The following ZNF280D variants were observed in gnomAD, a reference collection of about 807,000 sequenced individuals.
ZNF280D encodes the protein suppressor of hairy wing homolog 4.
A neutral mutation model predicts 94.7 loss-of-function variants in ZNF280D; 39 were observed. The ratio of observed to expected loss-of-function variants is 0.41; its 90% CI spans 0.32 to 0.54. The LOEUF is 0.54. ZNF280D is among the 20% of genes least tolerant of loss of function. ZNF280D has a pLI of 0.22. For missense variants in ZNF280D, 1,090 were observed against 1,149.3 expected (o/e 0.95, Z 0.75); for synonymous variants, 398 against 377.6 (o/e 1.05, Z -0.63).
chr15:56,703,407 T>C (rs1341466027), intron 4 of ZNF280D, among the ~76,000 whole-genome samples: 3 of 152,196 alleles, frequency 2.0e-5, no homozygotes, highest in East Asian at 1.9e-4. Context: ...TAGCCACGTA[T>C]AGATGACATT....
At chr15:56,719,291 G>C (rs1425828215) in intron 1 of ZNF280D, among the ~76,000 whole-genome samples, 1 of 151,592 alleles carries the variant, frequency 6.6e-6, no homozygotes, top group Non-Finnish European at 1.5e-5. Flanking sequence ...GGTAATGAGT[G>C]AGTTTTCAGT....
chr15:56,643,563 A>T (rs190870061), intron 19 of ZNF280D, among the ~76,000 whole-genome samples: 1 of 151,720 alleles, frequency 6.6e-6, no homozygotes, highest in African/African-American at 2.4e-5. Flanking sequence ...AAATATTAAA[A>T]CTTCTTGATT....
chr15:56,689,496 A>G (rs748681879), intron 7 of ZNF280D, 26 bp from the exon 8 acceptor site: 26 of 1,330,636 alleles, frequency 2.0e-5, no homozygotes, highest in Non-Finnish European at 2.4e-5. Context: ...TAGTGAGAAA[A>G]ATATTTTTTA....
Position 56,653,675 on chromosome 15 carries a change from C to T in ZNF280D, c.2213+523G>A, listed in dbSNP as rs760539372. 6 of 1,334,806 alleles carry T rather than the reference C, an allele frequency of 4.5e-6. No individual in the cohort carries two copies. The Admixed American group carries it at 1.1e-4, about 24-fold the overall frequency. The allele number at this position is 1,334,806 out of a possible 1,614,324, so 82.7% of individuals were successfully genotyped here. A position where few individuals can be genotyped will look rare whatever the true frequency, so the allele number is the denominator to read the frequency against. ...CAATTATCTGGCCTAAAACTTAAGA[C>T]GTATAAGAAATTAAGAAAGCAGACA... On this transcript the variant is annotated intron_variant, in intron 19 of 21. Coordinates refer to ENST00000267807, the MANE Select transcript of ZNF280D (RefSeq NM_017661.4).
Position 56,666,717 on chromosome 15 carries a change from A to C in ZNF280D, c.1815T>G (p.Asn605Lys). 6.2e-7 allele frequency: 1 copy of C among 1,609,174 alleles called. No homozygotes were observed. Among genetic ancestry groups the C allele is most frequent in the Non-Finnish European group, 8.5e-7 (1 of 1,178,846 alleles). The part of the protein sequence containing the change: ...QKKQSTLASS[N>K]KKSKVNTALR... ...ATGCTGTATTGACTTTACTTTTTTT[A>C]TTGCTACTAGCCAATGTGCTTTGTT... The change falls in exon 15 of 22, where the codon AAT becomes AAG. Residue 605 changes from asparagine to lysine, a missense_variant. Around this residue, in one of 3 missense-constraint regions of ZNF280D, gnomAD observed 577 missense variants for 568.8 expected, o/e 1.01. Coordinates refer to ENST00000267807, the MANE Select transcript of ZNF280D (RefSeq NM_017661.4).
rs1188313548 is a variant in ZNF280D, at chr15:56,653,542, G to C, written c.2213+656C>G. ...AGGCATCAGTTGTGTCCATCGAAGGGGGACACTGTCCAGGTATACCCTGGA... is the reference window on the plus strand; with the variant it reads ...AGGCATCAGTTGTGTCCATCGAAGGCGGACACTGTCCAGGTATACCCTGGA... On this transcript the variant is annotated intron_variant, in intron 19 of 21. Coordinates refer to ENST00000267807, the MANE Select transcript of ZNF280D (RefSeq NM_017661.4). The C allele has an allele frequency of 2.0e-6, 3 of 1,519,938 alleles. No individual in the cohort carries two copies. The African/African-American group carries it at 4.2e-5, about 21-fold the overall frequency. The allele number at this position is 1,519,938 out of a possible 1,614,324, so 94.2% of individuals were successfully genotyped here. A position where few individuals can be genotyped will look rare whatever the true frequency, so the allele number is the denominator to read the frequency against.
chr15:56,694,409 T>C (rs929896013), intron 6 of ZNF280D, among the ~76,000 whole-genome samples: 9 of 151,832 alleles, frequency 5.9e-5, no homozygotes, highest in African/African-American at 1.9e-4. Context: ...AGAGTGACTT[T>C]TGGACCATTC....
chr15:56,684,968 C>T, intron 9 of ZNF280D, among the ~76,000 whole-genome samples: 1 of 152,038 alleles, frequency 6.6e-6, no homozygotes. Context: ...ATGTAGACAA[C>T]CAAAAAGCTA....
At chr15:56,643,767 C>A (rs185703207) in intron 19 of ZNF280D, among the ~76,000 whole-genome samples, 1 of 151,862 alleles carries the variant, frequency 6.6e-6, no homozygotes, top group African/African-American at 2.4e-5. Flanking sequence ...AAGTAGGGTA[C>A]CTACCTGATC....
chr15:56,714,939 T>C (rs2057958253), intron 1 of ZNF280D, among the ~76,000 whole-genome samples: 1 of 152,120 alleles, frequency 6.6e-6, no homozygotes, highest in Non-Finnish European at 1.5e-5. Flanking sequence ...TCTCAAAAAG[T>C]TACCTATTAG....
At chr15:56,701,899 G>A (rs1023403886) in intron 4 of ZNF280D, among the ~76,000 whole-genome samples, 1 of 151,688 alleles carries the variant, frequency 6.6e-6, no homozygotes, top group Non-Finnish European at 1.5e-5. Context: ...TGACTTTGAG[G>A]ATCAATTTAA....
In ZNF280D at chr15:56,668,334, G is replaced by T. The variant is rs138424660; in HGVS notation, c.1545+489C>A. Reference sequence around the variant, plus strand: ...TCAGTATGCAGTCAGACATGTGTTTGCTCACTTAAAACACAATGCTATCCA... The same window carrying T: ...TCAGTATGCAGTCAGACATGTGTTTTCTCACTTAAAACACAATGCTATCCA... On this transcript the variant is annotated intron_variant, in intron 14 of 21. Transcript: ENST00000267807. 5.2e-5 allele frequency: 18 copies of T among 347,662 alleles called. No individual in the cohort carries two copies. The Middle Eastern group carries it at 3.0e-3, about 57-fold the overall frequency. The allele number at this position is 347,662 out of a possible 1,614,324, so 21.5% of individuals were successfully genotyped here. A position where few individuals can be genotyped will look rare whatever the true frequency, so the allele number is the denominator to read the frequency against.
intron 9 of ZNF280D, among the ~76,000 whole-genome samples, chr15:56,683,257 G>C (rs544208056): frequency 6.6e-6 from 1 of 152,230 alleles, no homozygotes; most frequent in South Asian, 2.1e-4. Flanking sequence ...ACAACTTGTA[G>C]TGAATTAGGG....
intron 13 of ZNF280D, among the ~76,000 whole-genome samples, chr15:56,676,450 C>T (rs902937295): frequency 6.6e-6 from 1 of 151,960 alleles, no homozygotes; most frequent in Admixed American, 6.6e-5. Context: ...TTCTAGCTAT[C>T]TTTCAGAATT....
rs185127035 is a variant in ZNF280D at position 56,679,269 on chromosome 15, C to T, written c.1005-448G>A. Among the ~76,000 whole-genome samples the T allele has an allele frequency of 1.9e-3, 287 of 152,248 alleles. 2 individuals are homozygous for T. Among genetic ancestry groups the T allele is most frequent in the African/African-American group, 6.5e-3 (270 of 41,560 alleles). ...AAGGAAACCCTATCACCAAAGGCAG[C>T]TACAGAGTCAGGAGGAAATCTTTTA... On this transcript the variant is annotated intron_variant, in intron 10 of 21. Transcript: ENST00000267807.
intron 1 of ZNF280D, among the ~76,000 whole-genome samples, chr15:56,723,943 T>G (rs78525534): frequency 0.028 from 4,243 of 152,260 alleles, 191 homozygotes; most frequent in African/African-American, 0.097. Flanking sequence ...ACCCTTTACA[T>G]TAGCCTGTGG....
intron 21 of ZNF280D, among the ~76,000 whole-genome samples, chr15:56,633,850 G>A (rs900560993): frequency 2.6e-5 from 3 of 116,612 alleles, no homozygotes; most frequent in Non-Finnish European, 5.9e-5. Context: ...TATTAATAGT[G>A]AGAAAAATAT....
intron 7 of ZNF280D, 78 bp from the exon 8 acceptor site, chr15:56,689,548 G>A: frequency 1.1e-6 from 1 of 929,022 alleles, no homozygotes. Flanking sequence ...ATATTTTGGA[G>A]CTAAATTAAA....
chr15:56,658,527 TAA>T, intron 16 of ZNF280D, 41 bp from the exon 17 acceptor site: 2 of 1,362,122 alleles, frequency 1.5e-6, no homozygotes, highest in East Asian at 2.5e-5. Flanking sequence ...TATTATACAA[TAA>T]GTCACATTAA....
Sources: gnomAD v4.1 joint callset for allele counts (sites outside exome capture counted in the v4.1 genomes callset) on GRCh38, gnomAD v4.1.1 for gene constraint, gnomAD v4.1.1 regional missense constraint, MANE v1.5 for transcripts, NCBI Gene and HGNC (gene_info 2026-07-23, HGNC 2026-07-21) for gene names.